Variants in KSR2 observed in about 807,000 individuals in gnomAD.
KSR2 encodes kinase suppressor of ras 2.
In KSR2, 25 loss-of-function variants were observed where a neutral mutation model predicts 107.8. That is an observed-to-expected ratio of 0.23 (90% CI 0.17 to 0.32). KSR2 has a LOEUF of 0.32. KSR2 is among the 10% of genes least tolerant of loss of function. The pLI, the probability that KSR2 is intolerant of heterozygous loss-of-function variation, is 1.00. For synonymous variants in KSR2, 480 were observed against 507.0 expected (o/e 0.95, Z 0.71); for missense variants, 887 against 1,268.9 (o/e 0.70, Z 4.57).
At chr12:117,608,482 A>G (rs1881412917) in intron 5 of KSR2, among the ~76,000 whole-genome samples, 1 of 152,204 alleles carries the variant, frequency 6.6e-6, no homozygotes, top group Non-Finnish European at 1.5e-5. Context: ...TCCAGAATGC[A>G]GGGCTTTGCA....
chr12:117,839,681 A>G (rs893924395), intron 3 of KSR2, among the ~76,000 whole-genome samples: 3 of 152,216 alleles, frequency 2.0e-5, no homozygotes, highest in African/African-American at 7.2e-5. Context: ...CACAGGTGCA[A>G]TCAAGGAAAT....
intron 4 of KSR2, among the ~76,000 whole-genome samples, chr12:117,682,414 G>T (rs1885402561): frequency 6.6e-6 from 1 of 151,456 alleles, no homozygotes; most frequent in Non-Finnish European, 1.5e-5. Context: ...ATGTACTTCA[G>T]TTTTTTTTGT....
At chr12:117,501,883 A>G (rs1388398820) in intron 14 of KSR2, among the ~76,000 whole-genome samples, 2 of 152,218 alleles carry the variant, frequency 1.3e-5, no homozygotes, top group African/African-American at 4.8e-5. Context: ...AAACTCCTAT[A>G]TCACATCCTC....
Position 117,613,114 on chromosome 12 carries a change from G to A in KSR2, c.1172-30755C>T, listed in dbSNP as rs535876413. The stretch of plus-strand genomic sequence containing the variant: ...AGGCAAAACCATTTTTCAGCTCTTC[G>A]GCTAGCAAATCCTGACAAAGACTGA... On this transcript the variant is annotated intron_variant, in intron 5 of 19. Transcript: ENST00000339824. Among the ~76,000 whole-genome samples, 7 of 152,222 alleles carry A rather than the reference G, an allele frequency of 4.6e-5. No individual in the cohort carries two copies. In the South Asian group the frequency reaches 6.2e-4, roughly 14 times the overall value.
intron 2 of KSR2, among the ~76,000 whole-genome samples, chr12:117,858,557 C>T (rs1893177177): frequency 6.6e-6 from 1 of 152,136 alleles, no homozygotes; most frequent in Non-Finnish European, 1.5e-5. Flanking sequence ...CGGACAAGGT[C>T]TAAAAAAGAC....
chr12:117,734,585 A>G (rs1232577758), intron 4 of KSR2, among the ~76,000 whole-genome samples: 1 of 151,964 alleles, frequency 6.6e-6, no homozygotes. Flanking sequence ...AATCCTTCTC[A>G]TTGTACATTG....
rs1379993490 is a variant in KSR2 at position 117,842,536 on chromosome 12, T to C, written c.472+12892A>G. The stretch of plus-strand genomic sequence containing the variant: ...GTCTGTTTGGAGCTGACTCAGTTCA[T>C]GTAGTTTCATGGAACCCACAAACCT... On this transcript the variant is annotated intron_variant, in intron 3 of 19. Coordinates refer to ENST00000339824, the MANE Select transcript of KSR2 (RefSeq NM_173598.6). The surrounding 1 kb of genome is among the most constrained non-coding windows in gnomAD (Gnocchi z 4.2). Among the ~76,000 whole-genome samples the C allele has an allele frequency of 1.3e-5, 2 of 152,194 alleles. No homozygotes were observed. Among genetic ancestry groups the C allele is most frequent in the Non-Finnish European group, 2.9e-5 (2 of 68,040 alleles).
chr12:117,794,652 AAC>A (rs1890551765), intron 3 of KSR2, among the ~76,000 whole-genome samples: 2 of 142,446 alleles, frequency 1.4e-5, no homozygotes, highest in African/African-American at 5.3e-5. Context: ...GCACACTCAA[AAC>A]ACTCACACCA....
In KSR2 at chr12:117,868,436, A is replaced by T. The variant is rs78543297; in HGVS notation, c.181-8005T>A. On this transcript the variant is annotated intron_variant, in intron 1 of 19. Coordinates refer to ENST00000339824, the MANE Select transcript of KSR2 (RefSeq NM_173598.6). ...AGACTCTGTCTCAAAAAAAAAAAAA[A>T]TTAAAAAGAAAAAACAATAAAAATA... 2.8e-4 allele frequency among the ~76,000 whole-genome samples: 42 copies of T among 151,904 alleles called. 1 individual carries two copies. The East Asian group carries it at 7.8e-3, about 28-fold the overall frequency.
At chr12:117,967,592 C>T (rs1167250223) in intron 1 of KSR2, among the ~76,000 whole-genome samples, 1 of 151,982 alleles carries the variant, frequency 6.6e-6, no homozygotes, top group African/African-American at 2.4e-5. Context: ...AAGAAGAGGT[C>T]TACACTGACA....
chr12:117,599,315 T>C (rs1880809989), intron 5 of KSR2, among the ~76,000 whole-genome samples: 1 of 152,100 alleles, frequency 6.6e-6, no homozygotes. Context: ...TGACTCCAGG[T>C]CACTGGTTCC....
intron 5 of KSR2, among the ~76,000 whole-genome samples, chr12:117,625,584 G>A (rs79432509): frequency 6.6e-6 from 1 of 152,178 alleles, no homozygotes; most frequent in Non-Finnish European, 1.5e-5. Context: ...GCTTTTTGAT[G>A]TGCTGCTGGA....
At chr12:117,771,848 A>G (rs1889462448) in intron 3 of KSR2, among the ~76,000 whole-genome samples, 1 of 151,794 alleles carries the variant, frequency 6.6e-6, no homozygotes, top group Non-Finnish European at 1.5e-5. Context: ...AAGACACACA[A>G]ACACACACTC....
chr12:117,491,759 T>C (rs574954545), intron 14 of KSR2, among the ~76,000 whole-genome samples: 1 of 152,332 alleles, frequency 6.6e-6, no homozygotes, highest in Admixed American at 6.5e-5. Context: ...AATCGTGGAA[T>C]TGCAGGAACT....
intron 3 of KSR2, among the ~76,000 whole-genome samples, chr12:117,816,280 G>A (rs1891366492): frequency 6.6e-6 from 1 of 152,178 alleles, no homozygotes; most frequent in Non-Finnish European, 1.5e-5. Flanking sequence ...GCCACCTGGA[G>A]TTCTGCAGAC....
intron 3 of KSR2, among the ~76,000 whole-genome samples, chr12:117,793,819 T>G: frequency 8.1e-6 from 1 of 123,690 alleles, no homozygotes; most frequent in Admixed American, 8.7e-5. Flanking sequence ...CACACCAACA[T>G]GCACACTCAC....
At chr12:117,547,060 T>C (rs1048649086) in intron 9 of KSR2, among the ~76,000 whole-genome samples, 2 of 152,248 alleles carry the variant, frequency 1.3e-5, no homozygotes, top group Non-Finnish European at 2.9e-5. Context: ...TGACAAGTAA[T>C]TTTCAACTGA....
intron 3 of KSR2, among the ~76,000 whole-genome samples, chr12:117,800,515 T>C (rs1480116015): frequency 6.6e-6 from 1 of 152,162 alleles, no homozygotes; most frequent in South Asian, 2.1e-4. Context: ...TCCAATAGGA[T>C]AGTGTATTAG....
chr12:117,469,537 C>G, intron 19 of KSR2, 125 bp downstream of exon 19: 5 of 1,161,670 alleles, frequency 4.3e-6, no homozygotes, highest in Non-Finnish European at 6.1e-6. Flanking sequence ...GAGTGGTTGC[C>G]GAAGGGTGGG....
Sources: allele counts gnomAD v4.1 joint callset (sites outside exome capture counted in the v4.1 genomes callset), GRCh38; gene constraint gnomAD v4.1.1; non-coding constraint Gnocchi (gnomAD v3.1); transcripts MANE v1.5; gene names NCBI Gene and HGNC (gene_info 2026-07-23, HGNC 2026-07-21).